WNT2B: variants seen among roughly 807,000 people sequenced by gnomAD.
The protein encoded by WNT2B is Wnt family member 2B.
WNT2B carries 19 observed loss-of-function variants against 40.5 expected under a neutral mutation model. That is an observed-to-expected ratio of 0.47 (90% CI 0.33 to 0.69). WNT2B has a LOEUF of 0.69. Among genes scored for constraint, WNT2B ranks in the 30% least tolerant of loss-of-function variants. WNT2B has a pLI of 0.02. For synonymous variants in WNT2B, 220 were observed against 211.9 expected (o/e 1.04, Z -0.33); for missense variants, 467 against 556.4 (o/e 0.84, Z 1.62).
intron 1 of WNT2B, among the ~76,000 whole-genome samples, chr1:112,502,077 G>A (rs1651971797): frequency 6.6e-6 from 1 of 152,244 alleles, no homozygotes; most frequent in African/African-American, 2.4e-5. Context: ...GTTCTCCTCC[G>A]GGGCTGGGGC....
rs559476978 is a variant in WNT2B at position 112,524,678 on chromosome 1, A to C, written c.*4169A>C. ...ACGGGGGTTGGGCATCTTTGAAGCA[A>C]TGTTGGATAACAAGAAAGAGATGCT... On this transcript the variant is annotated 3_prime_UTR_variant, in exon 5 of 5. Transcript: ENST00000369684. The C allele has an allele frequency of 6.6e-6, 1 of 152,480 alleles. No homozygotes were observed. The highest frequency in any genetic ancestry group is 2.1e-4 in the South Asian group (1 of 4,822). The allele number at this position is 152,480 out of a possible 1,614,324, so 9.4% of individuals were successfully genotyped here.
Position 112,509,048 on chromosome 1 carries a change from G to C in WNT2B, c.-215G>C. The C allele has an allele frequency of 7.4e-7, 1 of 1,356,564 alleles. No individual in the cohort carries two copies. The highest frequency in any genetic ancestry group is 9.4e-7 in the Non-Finnish European group (1 of 1,064,176). 84.0% of individuals were successfully genotyped at this position (1,356,564 alleles called of 1,614,324 possible). A position where few individuals can be genotyped will look rare whatever the true frequency, so the allele number is the denominator to read the frequency against. On this transcript the variant is annotated 5_prime_UTR_variant, in exon 1 of 5. Coordinates refer to ENST00000369684, the MANE Select transcript of WNT2B (RefSeq NM_024494.3). This position sits in a 1 kb window ranked among gnomAD's most constrained non-coding sequence, Gnocchi z 4.2. ...CTCAGGCAGCGCGCCCCAGACCCCGGGTTCGGCACGCCGTCGTCGGCTTCC... is the reference window on the plus strand; with the variant it reads ...CTCAGGCAGCGCGCCCCAGACCCCGCGTTCGGCACGCCGTCGTCGGCTTCC...
upstream of WNT2B, chr1:112,508,922 C>T (rs1319600758): frequency 1.5e-5 from 17 of 1,130,246 alleles, no homozygotes; most frequent in Non-Finnish European, 1.7e-5. The surrounding 1 kb of genome is among the most constrained non-coding windows in gnomAD (Gnocchi z 4.2). Flanking sequence ...CTCGGCCCCG[C>T]CCCGTCCCGT....
At chr1:112,484,792 T>C (rs1275360814) in intron 1 of WNT2B, among the ~76,000 whole-genome samples, 1 of 151,688 alleles carries the variant, frequency 6.6e-6, no homozygotes, top group African/African-American at 2.4e-5. Flanking sequence ...AAGTAGAAAT[T>C]AATAAATAAT....
At chr1:112,507,264 A>T (rs545976079), upstream of WNT2B, among the ~76,000 whole-genome samples, 1 of 152,110 alleles carries the variant, frequency 6.6e-6, no homozygotes, top group Admixed American at 6.5e-5. Flanking sequence ...TTTACTTCTG[A>T]TGTTTATTGT....
chr1:112,498,325 C>T (rs1651843744), intron 1 of WNT2B, among the ~76,000 whole-genome samples: 1 of 151,926 alleles, frequency 6.6e-6, no homozygotes, highest in African/African-American at 2.4e-5. Context: ...GCCATCTTGG[C>T]TCACTGCAAC....
chr1:112,512,730 C>T (rs1215637617), intron 1 of WNT2B, among the ~76,000 whole-genome samples: 2 of 152,166 alleles, frequency 1.3e-5, no homozygotes, highest in African/African-American at 4.8e-5. Context: ...ACATGGTAGA[C>T]ATTTTGCAGG....
chr1:112,517,781 G>A (rs567021331), intron 4 of WNT2B: 24 of 166,078 alleles, frequency 1.4e-4, no homozygotes, highest in Non-Finnish European at 2.5e-4. Flanking sequence ...AGACATAATG[G>A]GTAGACAAAT....
rs1398720235 is a variant in WNT2B at position 112,528,504 on chromosome 1, G to C, written c.*7995G>C. 1.3e-5 allele frequency: 2 copies of C among 152,094 alleles called. No individual in the cohort carries two copies. The highest frequency in any genetic ancestry group is 2.4e-5 in the African/African-American group (1 of 41,412). The allele number at this position is 152,094 out of a possible 1,614,324, so 9.4% of individuals were successfully genotyped here. A position where few individuals can be genotyped will look rare whatever the true frequency, so the allele number is the denominator to read the frequency against. ...TGTTACAGACCCAGGGACTAACAGA[G>C]ATCTACACTGTAAAGTTCAACAAAA... On this transcript the variant is annotated 3_prime_UTR_variant, in exon 5 of 5. Coordinates refer to ENST00000369684, the MANE Select transcript of WNT2B (RefSeq NM_024494.3).
chr1:112,485,498 G>A (rs920827587), intron 1 of WNT2B, among the ~76,000 whole-genome samples: 4 of 150,762 alleles, frequency 2.7e-5, no homozygotes, highest in Admixed American at 6.6e-5. Flanking sequence ...TGAAGACTAC[G>A]TTTTATTGGA....
chr1:112,493,927 A>C (rs1262226225), intron 1 of WNT2B, among the ~76,000 whole-genome samples: 1 of 116,998 alleles, frequency 8.5e-6, no homozygotes, highest in African/African-American at 2.8e-5. Context: ...TTAAAACTGC[A>C]AAAAATCTAA....
chr1:112,499,302 T>C (rs983646357), intron 1 of WNT2B, among the ~76,000 whole-genome samples: 2 of 152,066 alleles, frequency 1.3e-5, no homozygotes, highest in African/African-American at 4.8e-5. Flanking sequence ...ACTTCCTAAC[T>C]TATTCTATAA....
intron 1 of WNT2B, among the ~76,000 whole-genome samples, chr1:112,491,850 C>T (rs1250625096): frequency 1.3e-5 from 2 of 152,108 alleles, no homozygotes; most frequent in Non-Finnish European, 2.9e-5. Flanking sequence ...ATGATTGTGC[C>T]ACCGTACTCC....
At chr1:112,496,985 C>T (rs974332716) in intron 1 of WNT2B, among the ~76,000 whole-genome samples, 3 of 152,316 alleles carry the variant, frequency 2.0e-5, no homozygotes, top group Middle Eastern at 3.4e-3. Context: ...AGGCAAACAA[C>T]GTTAAATCCT....
chr1:112,499,967 G>C (rs1207843525), intron 1 of WNT2B, among the ~76,000 whole-genome samples: 13 of 152,214 alleles, frequency 8.5e-5, no homozygotes, highest in Admixed American at 8.5e-4. Flanking sequence ...TATGAGCAGA[G>C]GCACGATGGT....
At chr1:112,494,652 T>C (rs1480702468) in intron 1 of WNT2B, among the ~76,000 whole-genome samples, 1 of 151,564 alleles carries the variant, frequency 6.6e-6, no homozygotes, top group Admixed American at 6.5e-5. Context: ...ATCTGAACCA[T>C]GTGAAATTAT....
At chr1:112,490,923 A>C in intron 1 of WNT2B, 1 of 1,364,346 alleles carries the variant, frequency 7.3e-7, no homozygotes, top group Non-Finnish European at 1.0e-6. Flanking sequence ...GCTCTACCCT[A>C]AATAAATCTA....
chr1:112,490,875 T>G, intron 1 of WNT2B: 1 of 809,538 alleles, frequency 1.2e-6, no homozygotes, highest in Non-Finnish European at 2.0e-6. Context: ...AGGCCAAAAT[T>G]TACCTCTTCC....
chr1:112,503,529 G>A (rs1652021799), intron 1 of WNT2B, among the ~76,000 whole-genome samples: 2 of 152,028 alleles, frequency 1.3e-5, no homozygotes, highest in African/African-American at 2.4e-5. Context: ...ATAGAGGTGC[G>A]CACACACCCA....
Sources: allele counts gnomAD v4.1 joint callset (sites outside exome capture counted in the v4.1 genomes callset), GRCh38; gene constraint gnomAD v4.1.1; non-coding constraint Gnocchi (gnomAD v3.1); transcripts MANE v1.5; gene names NCBI Gene and HGNC (gene_info 2026-07-23, HGNC 2026-07-21).